DNAH12: variants seen among roughly 807,000 people sequenced by gnomAD.
DNAH12 encodes dynein axonemal heavy chain 12, also known as axonemal beta dynein heavy chain 12.
DNAH12 carries 285 observed loss-of-function variants against 371.5 expected under a neutral mutation model. That is an observed-to-expected ratio of 0.77 (90% confidence interval 0.70 to 0.85). The LOEUF is 0.85. DNAH12 is among the 40% of genes least tolerant of loss of function. The pLI is 0.00. For missense variants in DNAH12, 3,611 were observed against 3,689.4 expected (o/e 0.98, Z 0.55); for synonymous variants, 1,200 against 1,213.0 (o/e 0.99, Z 0.22).
chr3:57,426,040 G>A (rs1349945572), intron 34 of DNAH12, among the ~76,000 whole-genome samples: 1 of 152,140 alleles, frequency 6.6e-6, no homozygotes, highest in East Asian at 1.9e-4. Flanking sequence ...GGGCTTCCTG[G>A]AGGAAGTAAT....
chr3:57,525,893 C>G (rs1310957201), intron 2 of DNAH12, among the ~76,000 whole-genome samples: 2 of 149,506 alleles, frequency 1.3e-5, no homozygotes, highest in Admixed American at 1.4e-4. Flanking sequence ...TCCCAAGTAG[C>G]TGGGATTATA....
intron 66 of DNAH12, among the ~76,000 whole-genome samples, chr3:57,312,414 G>A (rs2061600437): frequency 6.6e-6 from 1 of 152,200 alleles, no homozygotes; most frequent in African/African-American, 2.4e-5. Context: ...TGTGGCATAT[G>A]CAAGAAGTGG....
At position 57,322,495 on chromosome 3, in the gene DNAH12, T is replaced by TA. The variant is rs1367455078; in HGVS notation, c.10384-13dup. The TA allele has an allele frequency of 6.5e-7, 1 of 1,549,862 alleles. No individual in the cohort carries two copies. The highest frequency in any genetic ancestry group is 1.4e-5 in the African/African-American group (1 of 73,024). ...ATTGTTACTGGGAACTAAGACAAAATAAATGGAGAGCATTATACAAGATAG... is the reference window on the plus strand; with the variant it reads ...ATTGTTACTGGGAACTAAGACAAAATAAAATGGAGAGCATTATACAAGATAG... On this transcript the variant is annotated splice_polypyrimidine_tract_variant and intron_variant, in intron 64 of 73. Transcript: ENST00000495027.
At chr3:57,424,605 G>A (rs576907459) in intron 35 of DNAH12, among the ~76,000 whole-genome samples, 3 of 151,560 alleles carry the variant, frequency 2.0e-5, no homozygotes, top group Admixed American at 6.6e-5. Context: ...GTGAAACTCC[G>A]TCTCTACTAA....
At chr3:57,532,809 C>T (rs2068896407) in intron 2 of DNAH12, among the ~76,000 whole-genome samples, 1 of 152,166 alleles carries the variant, frequency 6.6e-6, no homozygotes, top group Non-Finnish European at 1.5e-5. Flanking sequence ...CTGGGTCTTG[C>T]CCAAGACCCA....
At chr3:57,386,253 T>C (rs1045262913) in intron 47 of DNAH12, among the ~76,000 whole-genome samples, 188 bp downstream of exon 47, 77 of 152,312 alleles carry the variant, frequency 5.1e-4, no homozygotes, top group Non-Finnish European at 1.0e-3. Context: ...ACTGTACTCA[T>C]TTGTAAAATG....
At chr3:57,513,130 T>C (rs2068057919) in intron 4 of DNAH12, among the ~76,000 whole-genome samples, 2 of 148,192 alleles carry the variant, frequency 1.3e-5, no homozygotes, top group African/African-American at 5.0e-5. Flanking sequence ...GAGTGAGACT[T>C]CATCTCAAAA....
rs1271016370 is a variant in DNAH12 at position 57,318,393 on chromosome 3, A to G, written c.10525-3762T>C. ...TTGCATGTGGATATGCAGTTTTCTC[A>G]ATACCAGTTGTTGAAGAGACTATAC... is the stretch of plus-strand genomic sequence containing the variant. On this transcript the variant is annotated intron_variant, in intron 65 of 73. Coordinates refer to ENST00000495027, the MANE Select transcript of DNAH12 (RefSeq NM_001366028.2). 2.6e-5 allele frequency among the ~76,000 whole-genome samples: 4 copies of G among 152,156 alleles called. No individual in the cohort carries two copies. The East Asian group carries it at 5.8e-4, about 22-fold the overall frequency.
intron 70 of DNAH12, among the ~76,000 whole-genome samples, chr3:57,298,889 A>T (rs550172588): frequency 6.6e-6 from 1 of 152,182 alleles, no homozygotes; most frequent in South Asian, 2.1e-4. Context: ...TGTTGTGATT[A>T]TCTTTTTATC....
intron 32 of DNAH12, among the ~76,000 whole-genome samples, chr3:57,430,076 C>T (rs950942305): frequency 4.0e-5 from 6 of 151,898 alleles, no homozygotes; most frequent in South Asian, 2.1e-4. Flanking sequence ...ATACAAATAT[C>T]GGCTATTAAG....
At chr3:57,427,138 A>G (rs867315340) in intron 34 of DNAH12, among the ~76,000 whole-genome samples, 224 of 138,868 alleles carry the variant, frequency 1.6e-3, no homozygotes, top group African/African-American at 4.5e-3. Flanking sequence ...TAAGAAGCGA[A>G]TGTGTGTGTG....
chr3:57,414,514 C>T (rs185682013), intron 38 of DNAH12, among the ~76,000 whole-genome samples: 172 of 152,230 alleles, frequency 1.1e-3, no homozygotes, highest in African/African-American at 4.0e-3. Flanking sequence ...ACCCAATAGG[C>T]AGTTTTTCAA....
At chr3:57,309,082 CTATTT>C in intron 69 of DNAH12, 64 bp downstream of exon 69, 2 of 1,282,548 alleles carry the variant, frequency 1.6e-6, no homozygotes, top group African/African-American at 3.0e-5. Context: ...CACTTCAACA[CTATTT>C]TATTTTTCTT....
chr3:57,432,510 AGTTT>A (rs35036726), intron 32 of DNAH12, among the ~76,000 whole-genome samples: 75,305 of 151,370 alleles, frequency 0.5, 18,798 homozygotes, highest in South Asian at 0.57. Flanking sequence ...TAATTAAATG[AGTTT>A]GTTTATTTAG....
At chr3:57,460,033 G>A (rs903436920) in intron 19 of DNAH12, among the ~76,000 whole-genome samples, 6 of 151,828 alleles carry the variant, frequency 4.0e-5, no homozygotes, top group African/African-American at 7.3e-5. Flanking sequence ...CTAATTTCTC[G>A]GTGAGCCATC....
At chr3:57,515,928 T>A (rs1420520068) in intron 4 of DNAH12, among the ~76,000 whole-genome samples, 2 of 151,954 alleles carry the variant, frequency 1.3e-5, no homozygotes, top group Non-Finnish European at 2.9e-5. Context: ...ATTTTTTAAA[T>A]GTGTAGCCTA....
In DNAH12 at chr3:57,405,820, T is replaced by C; in HGVS notation, c.6409A>G (p.Thr2137Ala). The change falls in exon 41 of 74, where the codon ACT becomes GCT. Residue 2137 changes from threonine to alanine, a missense_variant. Coordinates refer to ENST00000495027, the MANE Select transcript of DNAH12 (RefSeq NM_001366028.2). ...TCATGCACAAACAGACGGATCATAGTGTGTTTGTTCGCCACGGCGTCTCTT... is the reference window on the plus strand; with the variant it reads ...TCATGCACAAACAGACGGATCATAGCGTGTTTGTTCGCCACGGCGTCTCTT... ...IERDAVANKH[T>A]MIRLFVHEVL... 3.2e-6 allele frequency: 5 copies of C among 1,551,690 alleles called. No homozygotes were observed. Among genetic ancestry groups the C allele is most frequent in the Non-Finnish European group, 4.4e-6 (5 of 1,146,986 alleles).
At chr3:57,495,470 A>G (rs1344193050) in intron 11 of DNAH12, among the ~76,000 whole-genome samples, 1 of 151,184 alleles carries the variant, frequency 6.6e-6, no homozygotes, top group Non-Finnish European at 1.5e-5. Flanking sequence ...CTGAGGCAGG[A>G]GAATCACTTG....
intron 49 of DNAH12, among the ~76,000 whole-genome samples, chr3:57,382,894 C>T (rs36130340): frequency 0.78 from 118,282 of 152,164 alleles, 46,558 homozygotes; most frequent in African/African-American, 0.87. Flanking sequence ...TTCTGACATT[C>T]CTTGCAAGAT....
Sources: gnomAD v4.1 joint callset for allele counts (sites outside exome capture counted in the v4.1 genomes callset) on GRCh38, gnomAD v4.1.1 for gene constraint, MANE v1.5 for transcripts, NCBI Gene and HGNC (gene_info 2026-07-23, HGNC 2026-07-21) for gene names.